Variants in KIF7 observed in about 807,000 individuals in gnomAD.
KIF7 encodes the protein kinesin-like protein KIF7.
KIF7 carries 104 observed loss-of-function variants against 135.7 expected under a neutral mutation model. The ratio of observed to expected loss-of-function variants is 0.77; its 90% CI spans 0.65 to 0.90. KIF7 has a LOEUF of 0.90. KIF7 is among the 40% of genes least tolerant of loss of function. The pLI, the probability that KIF7 is intolerant of heterozygous loss-of-function variation, is 0.00. For missense variants in KIF7, 2,005 were observed against 1,839.1 expected (o/e 1.09, Z -1.65); for synonymous variants, 883 against 809.4 (o/e 1.09, Z -1.54).
rs527642030 is a variant in KIF7 at position 89,654,699 on chromosome 15, C to G, written c.-25+700G>C. 3.9e-5 allele frequency among the ~76,000 whole-genome samples: 6 copies of G among 152,326 alleles called. No homozygotes were observed. The South Asian group carries it at 1.0e-3, about 26-fold the overall frequency. ...CGCCCAACACAAGGTCCCACGCTGC[C>G]CAACAGATAGTGATGGATAATCTTC... On this transcript the variant is annotated intron_variant, in intron 1 of 18. Transcript: ENST00000394412.
intron 1 of KIF7, among the ~76,000 whole-genome samples, chr15:89,618,761 C>A (rs1234712206): frequency 6.6e-6 from 1 of 152,098 alleles, no homozygotes; most frequent in Admixed American, 6.6e-5. Context: ...AGTTTGACAC[C>A]ATCTTAGGCA....
downstream of KIF7, chr15:89,623,539 C>A: frequency 1.5e-6 from 2 of 1,318,810 alleles, no homozygotes; most frequent in Non-Finnish European, 2.1e-6. Flanking sequence ...ATAAATCTCC[C>A]ATTTGGTCTT....
chr15:89,649,390 G>A (rs1186909025), intron 3 of KIF7, 23 bp from the exon 4 acceptor site: 3 of 1,447,172 alleles, frequency 2.1e-6, no homozygotes, highest in Non-Finnish European at 1.8e-6. Flanking sequence ...AAGGCCGTGA[G>A]CCCCAGGGCA....
upstream of KIF7, among the ~76,000 whole-genome samples, chr15:89,657,721 A>C (rs1207629587): frequency 2.0e-5 from 3 of 152,228 alleles, no homozygotes; most frequent in African/African-American, 7.2e-5. Context: ...AGGGGTTCTT[A>C]CCAGCCAACT....
Position 89,632,967 on chromosome 15 carries a change from G to T in KIF7, c.2748C>A (p.Asp916Glu). The T allele has an allele frequency of 1.3e-6, 2 of 1,493,260 alleles. No homozygotes were observed. Among genetic ancestry groups the T allele is most frequent in the Non-Finnish European group, 9.0e-7 (1 of 1,105,406 alleles). The allele number at this position is 1,493,260 out of a possible 1,614,324, so 92.5% of individuals were successfully genotyped here. A position where few individuals can be genotyped will look rare whatever the true frequency, so the allele number is the denominator to read the frequency against. ...GCTGTAGCACCTTCTCCATCTCCTG[G>T]TCCAGCCACTTCTTCTGCTCCTCAA... is the stretch of plus-strand genomic sequence containing the variant. Reference protein sequence around the residue: ...QKIEEQKKWLDQEMEKVLQQR... With the variant: ...QKIEEQKKWLEQEMEKVLQQR... The change falls in exon 14 of 19, where the codon GAC becomes GAA. Residue 916 changes from aspartate to glutamate, a missense_variant. Transcript: ENST00000394412.
chr15:89,641,626 A>AC lies in KIF7; in HGVS notation c.2394+576dup, dbSNP rs541944052. Among the ~76,000 whole-genome samples the AC allele has an allele frequency of 2.8e-4, 43 of 152,022 alleles. 1 individual carries two copies. The East Asian group carries it at 7.2e-3, about 25-fold the overall frequency. On this transcript the variant is annotated intron_variant, in intron 11 of 18. Coordinates refer to ENST00000394412, the MANE Select transcript of KIF7 (RefSeq NM_198525.3). The stretch of plus-strand genomic sequence containing the variant: ...AGACCAGCCTGGCTAACATGGAGAA[A>AC]CCCCGTCTTTACTAAAAATACAAAA...
intron 8 of KIF7, among the ~76,000 whole-genome samples, chr15:89,645,657 T>C (rs1963998881): frequency 6.6e-6 from 1 of 152,116 alleles, no homozygotes; most frequent in Non-Finnish European, 1.5e-5. Flanking sequence ...AGGGCCACCC[T>C]GGAGGCTGAA....
intron 14 of KIF7, among the ~76,000 whole-genome samples, 169 bp downstream of exon 14, chr15:89,632,651 G>C (rs559550548): frequency 1.7e-4 from 26 of 152,130 alleles, no homozygotes; most frequent in Non-Finnish European, 2.8e-4. Flanking sequence ...TCTAGACCTC[G>C]CCTGGCAGGG....
chr15:89,627,096 T>C (rs2141988403), downstream of KIF7: 15 of 1,613,768 alleles, frequency 9.3e-6, no homozygotes, highest in Non-Finnish European at 1.3e-5. Context: ...GCCACAAACA[T>C]TACTGAGCCC....
chr15:89,633,012 G>GAGGGAGGGAGGGAGGA lies in KIF7; in HGVS notation c.2719-17_2719-16insTCCTCCCTCCCTCCCT. ...CCTCAATCTTCTAAGGAAAAGTAGG[G>GAGGGAGGGAGGGAGGA]AGGGAGGGAGGGAACTCAGGGCCCA... On this transcript the variant is annotated splice_polypyrimidine_tract_variant and intron_variant, in intron 13 of 18. Transcript: ENST00000394412. 7.2e-7 allele frequency: 1 copy of GAGGGAGGGAGGGAGGA among 1,383,330 alleles called. No homozygotes were observed. 85.7% of individuals were successfully genotyped at this position (1,383,330 alleles called of 1,614,324 possible).
Position 89,629,173 on chromosome 15 carries a change from G to A in KIF7, c.3518-51C>T, listed in dbSNP as rs753616954. The A allele has an allele frequency of 7.0e-6, 11 of 1,570,288 alleles. No homozygotes were observed. The South Asian group carries it at 9.0e-5, about 13-fold the overall frequency. ...GTGGTGAGGGCTGCAGGCGGGGCAG[G>A]CGGCCAGGGCTGTGGGGGTGGGGGC... On this transcript the variant is annotated intron_variant, in intron 17 of 18. Coordinates refer to ENST00000394412, the MANE Select transcript of KIF7 (RefSeq NM_198525.3).
rs1228483857 is a variant in KIF7 at position 89,649,272 on chromosome 15, G to T, written c.625C>A (p.His209Asn). The T allele has an allele frequency of 3.9e-6, 6 of 1,522,090 alleles. No individual in the cohort carries two copies. In the African/African-American group the frequency reaches 8.3e-5, roughly 21 times the overall value. The allele number at this position is 1,522,090 out of a possible 1,614,324, so 94.3% of individuals were successfully genotyped here. Residue 209 changes from histidine to asparagine, a missense_variant, in exon 4 of 19, where the codon CAC (histidine) becomes AAC (asparagine). Physicochemically the swap from His to Asn is moderately conservative, Grantham distance 68. Transcript: ENST00000394412. ...GNAARHTGAT[H>N]LNHLSSRSHT... Reference sequence around the variant, plus strand: ...GAGCGGCTAGACAGGTGGTTGAGGTGCGTGGCTCCCGTGTGCCGCGCCGCG... The same window carrying T: ...GAGCGGCTAGACAGGTGGTTGAGGTTCGTGGCTCCCGTGTGCCGCGCCGCG...
rs1963393021 is a variant in KIF7, at chr15:89,619,712, A to C, written c.181-1517T>G. ...ACTGTGGTTCTGATTTTACAGAAATAAGTCTGAGACGAAGTCCTCGAATCA... is the reference window on the plus strand; with the variant it reads ...ACTGTGGTTCTGATTTTACAGAAATCAGTCTGAGACGAAGTCCTCGAATCA... On this transcript the variant is annotated intron_variant and NMD_transcript_variant, in intron 1 of 2. Transcript: ENST00000558928. 2.5e-6 allele frequency: 4 copies of C among 1,607,172 alleles called. No homozygotes were observed. The East Asian group carries it at 8.9e-5, about 36-fold the overall frequency.
In KIF7 at chr15:89,645,068, C is replaced by T. The variant is rs772511828; in HGVS notation, c.2136G>A (p.Glu712=). Reference sequence around the variant, plus strand: ...CCTTCATGCGGATGTTGATAGCCAGCTCCCGGATCTTCTGCTGGGCCTGGG... The same window carrying T: ...CCTTCATGCGGATGTTGATAGCCAGTTCCCGGATCTTCTGCTGGGCCTGGG... ...RLAQAQQKIR[E]LAINIRMKEE... The change falls in exon 10 of 19, where the codon GAG becomes GAA. Residue 712 remains glutamate, a synonymous_variant. Transcript: ENST00000394412. The T allele has an allele frequency of 3.5e-5, 57 of 1,605,904 alleles. No homozygotes were observed. In the Middle Eastern group the frequency reaches 4.9e-4, roughly 14 times the overall value.
At chr15:89,648,186 G>C in intron 5 of KIF7, 69 bp downstream of exon 5, 3 of 1,390,294 alleles carry the variant, frequency 2.2e-6, no homozygotes, top group East Asian at 2.9e-5. Flanking sequence ...GCTGTCTGAA[G>C]ACCCTCTTCC....
intron 5 of KIF7, 86 bp downstream of exon 5, chr15:89,648,169 C>A: frequency 2.2e-6 from 3 of 1,361,244 alleles, no homozygotes; most frequent in Non-Finnish European, 2.8e-6. Flanking sequence ...GAGGCAGGGG[C>A]GCAGCTGCTG....
intron 10 of KIF7, among the ~76,000 whole-genome samples, chr15:89,644,539 G>A (rs1267410380): frequency 6.6e-6 from 1 of 151,624 alleles, no homozygotes; most frequent in Non-Finnish European, 1.5e-5. Context: ...AAAAAAATTA[G>A]GTGGGTGTGG....
At chr15:89,656,502 C>G (rs563341689), upstream of KIF7, among the ~76,000 whole-genome samples, 1 of 152,168 alleles carries the variant, frequency 6.6e-6, no homozygotes, top group East Asian at 1.9e-4. Flanking sequence ...TTAGGCCTGT[C>G]CACCCCCAAA....
intron 9 of KIF7, 81 bp from the exon 10 acceptor site, chr15:89,645,246 G>A: frequency 6.2e-7 from 1 of 1,600,178 alleles, no homozygotes; most frequent in African/African-American, 1.3e-5. Flanking sequence ...GGCTGCCAGG[G>A]ATGGTGGGTG....
Sources: gnomAD v4.1 joint callset for allele counts (sites outside exome capture counted in the v4.1 genomes callset) on GRCh38, gnomAD v4.1.1 for gene constraint, MANE v1.5 for transcripts, NCBI Gene and HGNC (gene_info 2026-07-23, HGNC 2026-07-21) for gene names.